TMED3: variants seen among roughly 807,000 people sequenced by gnomAD.
TMED3 encodes transmembrane emp24 domain-containing protein 3.
TMED3 carries 9 observed loss-of-function variants against 15.0 expected under a neutral mutation model. The observed-to-expected ratio is 0.60, with a 90% CI of 0.36 to 1.04. The LOEUF (loss-of-function observed/expected upper bound fraction) is 1.04. TMED3 is among the 50% of genes least tolerant of loss of function. The pLI is 0.01. For synonymous variants in TMED3, 117 were observed against 121.4 expected (o/e 0.96, Z 0.24); for missense variants, 267 against 278.9 (o/e 0.96, Z 0.30).
intron 2 of TMED3, among the ~76,000 whole-genome samples, chr15:79,317,143 A>G (rs1020851104): frequency 2.6e-5 from 4 of 151,988 alleles, no homozygotes; most frequent in Admixed American, 1.3e-4. Flanking sequence ...CCCTCTTGGA[A>G]CTGGTCCCTT....
chr15:79,394,147 G>A (rs563210879), intron 2 of TMED3, among the ~76,000 whole-genome samples: 23 of 152,130 alleles, frequency 1.5e-4, no homozygotes, highest in Non-Finnish European at 2.1e-4. Context: ...GGGGAGTAGG[G>A]GGGTGGGTGG....
intron 2 of TMED3, among the ~76,000 whole-genome samples, chr15:79,341,342 A>T (rs2058851044): frequency 6.6e-6 from 1 of 151,952 alleles, no homozygotes; most frequent in Non-Finnish European, 1.5e-5. Context: ...GCTGGGCTGG[A>T]CCATAGGAAG....
chr15:79,352,595 A>G (rs1217924074), intron 2 of TMED3, among the ~76,000 whole-genome samples: 2 of 151,538 alleles, frequency 1.3e-5, no homozygotes, highest in African/African-American at 4.8e-5. Context: ...CTTAATTTTG[A>G]AAGACACAAA....
At chr15:79,362,343 GTCCAGCTACTCAGTCTTCCTGAGT>G (rs1388925084) in intron 2 of TMED3, among the ~76,000 whole-genome samples, 31 of 150,932 alleles carry the variant, frequency 2.1e-4, no homozygotes, top group African/African-American at 4.1e-4. Context: ...TGGCATGCCT[GTCCAGCTACTCAGTCTTCCTGAGT>G]TCCAGCTACT....
chr15:79,321,369 C>T (rs944062527), intron 2 of TMED3, among the ~76,000 whole-genome samples: 3 of 152,126 alleles, frequency 2.0e-5, no homozygotes, highest in African/African-American at 7.2e-5. Context: ...TACACATGAG[C>T]GTATGTGTCT....
chr15:79,381,937 A>G (rs1893544466), intron 2 of TMED3, among the ~76,000 whole-genome samples: 2 of 152,232 alleles, frequency 1.3e-5, no homozygotes, highest in South Asian at 4.1e-4. Flanking sequence ...CCTAGAGGTG[A>G]CCAGCTCTAT....
At chr15:79,315,179 CT>C (rs2058735521) in intron 2 of TMED3, among the ~76,000 whole-genome samples, 1 of 152,220 alleles carries the variant, frequency 6.6e-6, no homozygotes, top group African/African-American at 2.4e-5. Context: ...AGTCTTCCAC[CT>C]TCCCTAAGCA....
chr15:79,313,691 G>A, intron 1 of TMED3, 66 bp from the exon 2 acceptor site: 1 of 1,557,458 alleles, frequency 6.4e-7, no homozygotes, highest in Non-Finnish European at 8.7e-7. Context: ...TGATCACAGT[G>A]TCTGGTTGGC....
At chr15:79,347,915 C>T (rs1051625199) in intron 2 of TMED3, among the ~76,000 whole-genome samples, 3 of 151,926 alleles carry the variant, frequency 2.0e-5, no homozygotes, top group Non-Finnish European at 2.9e-5. Flanking sequence ...CTCTTATACC[C>T]AAAAAAGCAT....
intron 2 of TMED3, among the ~76,000 whole-genome samples, chr15:79,357,492 A>T (rs1375529321): frequency 3.4e-5 from 5 of 147,698 alleles, no homozygotes; most frequent in Non-Finnish European, 7.4e-5. Context: ...AAAAGCAAGC[A>T]CATTATTACA....
chr15:79,367,663 T>G (rs1172160981), intron 2 of TMED3, among the ~76,000 whole-genome samples: 1 of 152,206 alleles, frequency 6.6e-6, no homozygotes, highest in Admixed American at 6.5e-5. Flanking sequence ...CCGAATATGC[T>G]GCCAGCAAAG....
chr15:79,340,631 C>T (rs1187702855), intron 2 of TMED3, among the ~76,000 whole-genome samples: 1 of 152,192 alleles, frequency 6.6e-6, no homozygotes. Flanking sequence ...AATTGTTATT[C>T]AGGACTATTA....
chr15:79,386,683 T>A (rs60765473), intron 2 of TMED3, among the ~76,000 whole-genome samples: 5,000 of 149,072 alleles, frequency 0.034, 267 homozygotes, highest in African/African-American at 0.11. Context: ...GGATTACAGG[T>A]GTGGGCCACC....
At chr15:79,324,037 C>CTGGA (rs2058778261), downstream of TMED3, among the ~76,000 whole-genome samples, 2 of 152,284 alleles carry the variant, frequency 1.3e-5, no homozygotes, top group Admixed American at 1.3e-4. Flanking sequence ...GTCGCCCAGG[C>CTGGA]TGGAGTGCAG....
chr15:79,400,085 C>T (rs1248838507), intron 2 of TMED3, among the ~76,000 whole-genome samples: 2 of 152,214 alleles, frequency 1.3e-5, no homozygotes, highest in Non-Finnish European at 2.9e-5. Flanking sequence ...GCCTTTCTCA[C>T]TGAGGTCTAG....
In TMED3 at chr15:79,352,671, A is replaced by ATAT. The variant is rs1189229850; in HGVS notation, c.417+38666_417+38667insTAT. On this transcript the variant is annotated intron_variant, in intron 2 of 2. Coordinates refer to the TMED3 transcript ENST00000424155. The stretch of plus-strand genomic sequence containing the variant: ...CACAAGGTCATTAACTAAGAAAAAA[A>ATAT]AAATATATATATATATGTAACTGAA... Among the ~76,000 whole-genome samples the ATAT allele has an allele frequency of 2.3e-5, 3 of 129,512 alleles. No individual in the cohort carries two copies. In the East Asian group the frequency reaches 6.3e-4, roughly 27 times the overall value. The allele number at this position is 129,512 out of a possible 152,430, so 85.0% of individuals were successfully genotyped here. A position where few individuals can be genotyped will look rare whatever the true frequency, so the allele number is the denominator to read the frequency against.
At chr15:79,313,696 G>T (rs1385385830) in intron 1 of TMED3, 61 bp from the exon 2 acceptor site, 1 of 1,566,124 alleles carries the variant, frequency 6.4e-7, no homozygotes. Context: ...ACAGTGTCTG[G>T]TTGGCATTTG....
At chr15:79,370,021 T>A (rs1893306596) in intron 2 of TMED3, among the ~76,000 whole-genome samples, 1 of 152,238 alleles carries the variant, frequency 6.6e-6, no homozygotes, top group Non-Finnish European at 1.5e-5. Flanking sequence ...AGGAGAGTTC[T>A]GTCTTGGAGA....
chr15:79,341,770 TC>T (rs1383398479), intron 2 of TMED3, among the ~76,000 whole-genome samples: 1 of 152,214 alleles, frequency 6.6e-6, no homozygotes, highest in Non-Finnish European at 1.5e-5. Flanking sequence ...ATGATCTCTT[TC>T]GGCGGTTTCA....
Sources: gnomAD v4.1 joint callset for allele counts (sites outside exome capture counted in the v4.1 genomes callset) on GRCh38, gnomAD v4.1.1 for gene constraint, MANE v1.5 for transcripts, NCBI Gene and HGNC (gene_info 2026-07-23, HGNC 2026-07-21) for gene names.